Variants in PDE10A observed in about 807,000 individuals in gnomAD.
The protein encoded by PDE10A is phosphodiesterase 10A, also known as cAMP and cAMP-inhibited cGMP 3',5'-cyclic phosphodiesterase 10A.
PDE10A carries 39 observed loss-of-function variants against 97.7 expected under a neutral mutation model. The ratio of observed to expected loss-of-function variants is 0.40; its 90% CI spans 0.31 to 0.52. The LOEUF (loss-of-function observed/expected upper bound fraction) is 0.52, where lower values mean the gene tolerates loss of function less well. PDE10A is among the 20% of genes least tolerant of loss of function. The pLI is 0.56. For synonymous variants in PDE10A, 371 were observed against 376.8 expected (o/e 0.98, Z 0.18); for missense variants, 731 against 1,047.8 (o/e 0.70, Z 4.17).
chr6:165,392,847 T>C (rs768169975), intron 15 of PDE10A, 51 bp from the exon 16 acceptor site: 3 of 1,552,460 alleles, frequency 1.9e-6, no homozygotes, highest in Admixed American at 1.7e-5. Context: ...AATCACTATG[T>C]TGTAGGAGAA....
chr6:165,753,210 C>A (rs534898520), intron 1 of PDE10A, among the ~76,000 whole-genome samples: 2 of 152,282 alleles, frequency 1.3e-5, no homozygotes, highest in East Asian at 3.9e-4. Context: ...ACAGTTTAGC[C>A]ATTAGAAATG....
At chr6:165,951,949 T>TAATA (rs1473888522) in intron 1 of PDE10A, among the ~76,000 whole-genome samples, 1 of 152,250 alleles carries the variant, frequency 6.6e-6, no homozygotes, top group Non-Finnish European at 1.5e-5. Context: ...TAGTTATTTA[T>TAATA]AATAAATAGT....
At chr6:165,506,093 C>T (rs562942289) in intron 2 of PDE10A, among the ~76,000 whole-genome samples, 53 of 152,202 alleles carry the variant, frequency 3.5e-4, no homozygotes, top group African/African-American at 1.2e-3. Flanking sequence ...TTTTTCCATT[C>T]CCATAACAAC....
chr6:165,920,655 T>G (rs1782729884), intron 1 of PDE10A, among the ~76,000 whole-genome samples: 1 of 152,186 alleles, frequency 6.6e-6, no homozygotes, highest in Admixed American at 6.6e-5. Flanking sequence ...TTGAAATTAA[T>G]AAGAAAATTG....
intron 18 of PDE10A, among the ~76,000 whole-genome samples, chr6:165,351,682 T>C (rs1489877919): frequency 6.6e-6 from 1 of 152,168 alleles, no homozygotes; most frequent in Non-Finnish European, 1.5e-5. Context: ...ACAAGGATGG[T>C]ATGCCACATA....
At chr6:165,391,249 T>C (rs984542543) in intron 16 of PDE10A, among the ~76,000 whole-genome samples, 3 of 152,190 alleles carry the variant, frequency 2.0e-5, no homozygotes, top group Non-Finnish European at 4.4e-5. Flanking sequence ...ACATGTCATT[T>C]TGGGGATTAT....
intron 1 of PDE10A, among the ~76,000 whole-genome samples, chr6:165,823,509 T>A (rs1779636103): frequency 4.6e-5 from 4 of 86,448 alleles, no homozygotes; most frequent in Non-Finnish European, 8.5e-5. Context: ...TATATATATA[T>A]ATATATATAT....
At chr6:165,896,580 A>G (rs1216086474) in intron 1 of PDE10A, among the ~76,000 whole-genome samples, 2 of 144,112 alleles carry the variant, frequency 1.4e-5, no homozygotes, top group African/African-American at 5.2e-5. Flanking sequence ...GCTGGAGTAC[A>G]GTGGCGCAAT....
chr6:165,395,209 T>G lies in PDE10A; in HGVS notation c.2275A>C (p.Met759Leu). 6.2e-7 allele frequency: 1 copy of G among 1,613,338 alleles called. No homozygotes were observed. The highest frequency in any genetic ancestry group is 1.7e-5 in the Admixed American group (1 of 59,936). Residue 759 changes from methionine to leucine, a missense_variant, in exon 15 of 22, where the codon ATG (methionine) becomes CTG (leucine). By Grantham distance (15) the Met-to-Leu change is conservative. Coordinates refer to ENST00000539869, the MANE Select transcript of PDE10A (RefSeq NM_001385079.1). Reference sequence around the variant, plus strand: ...GATGTCCCACAGGACCGATGAACCATGTAGACAAAAATTCCAGGCCACATG... The same window carrying G: ...GATGTCCCACAGGACCGATGAACCAGGTAGACAAAAATTCCAGGCCACATG... ...ENMWPGIFVY[M>L]VHRSCGTSCF... is the part of the protein sequence containing the mutation.
intron 18 of PDE10A, among the ~76,000 whole-genome samples, chr6:165,375,154 GA>G (rs2128204951): frequency 6.6e-6 from 1 of 152,048 alleles, no homozygotes; most frequent in African/African-American, 2.4e-5. Context: ...CTGTTCAAGT[GA>G]AAAAAAGTCA....
intron 1 of PDE10A, among the ~76,000 whole-genome samples, chr6:165,735,732 A>C (rs1387090462): frequency 6.6e-6 from 1 of 152,172 alleles, no homozygotes; most frequent in Non-Finnish European, 1.5e-5. Context: ...CATGGAGGGC[A>C]ATCTGCCGTA....
intron 1 of PDE10A, among the ~76,000 whole-genome samples, chr6:165,622,283 T>C (rs893114056): frequency 7.0e-6 from 1 of 142,988 alleles, no homozygotes; most frequent in African/African-American, 3.0e-5. Context: ...AGTGTGTGTG[T>C]GTGTGTGTGT....
At chr6:165,910,167 T>C (rs961171481) in intron 1 of PDE10A, among the ~76,000 whole-genome samples, 3 of 152,154 alleles carry the variant, frequency 2.0e-5, no homozygotes. Flanking sequence ...TGTGATGACA[T>C]GGAGCAATCA....
chr6:165,489,079 C>T (rs543368528), intron 2 of PDE10A, among the ~76,000 whole-genome samples: 18 of 152,244 alleles, frequency 1.2e-4, no homozygotes, highest in Non-Finnish European at 2.2e-4. Flanking sequence ...CTTGTCTTCT[C>T]ACTATACAAC....
At chr6:165,890,356 T>C (rs1337336516) in intron 1 of PDE10A, among the ~76,000 whole-genome samples, 1 of 152,076 alleles carries the variant, frequency 6.6e-6, no homozygotes, top group East Asian at 1.9e-4. Context: ...TTTTTTAAGA[T>C]GGAAAGTGTT....
chr6:165,657,303 T>G (rs137868648), intron 1 of PDE10A, among the ~76,000 whole-genome samples: 1 of 152,368 alleles, frequency 6.6e-6, no homozygotes, highest in African/African-American at 2.4e-5. Flanking sequence ...CCTCTGTCAC[T>G]GTGGAGTTTT....
chr6:165,381,995 G>A (rs1784965934), intron 17 of PDE10A, among the ~76,000 whole-genome samples: 1 of 152,038 alleles, frequency 6.6e-6, no homozygotes, highest in South Asian at 2.1e-4. Context: ...ATAGTTTGAA[G>A]TCTATGTTAA....
At chr6:165,608,830 T>G (rs1471002050) in intron 1 of PDE10A, among the ~76,000 whole-genome samples, 3 of 152,202 alleles carry the variant, frequency 2.0e-5, no homozygotes, top group Non-Finnish European at 4.4e-5. Context: ...GATATCTCAT[T>G]GTGGTTTTGA....
rs540705858 is a variant in PDE10A at position 165,735,533 on chromosome 6, G to A, written c.-614-191965C>T. On this transcript the variant is annotated intron_variant, in intron 1 of 19. Coordinates refer to the PDE10A transcript ENST00000366882. ...AGGAATTGGCTCATCTGATTATGGA[G>A]GGTGGCAAGTTCAAGATCTATAGAA... 3.7e-4 allele frequency among the ~76,000 whole-genome samples: 56 copies of A among 152,214 alleles called. 1 individual carries two copies. In the South Asian group the frequency reaches 0.011, roughly 29 times the overall value.
Sources: allele counts gnomAD v4.1 joint callset (sites outside exome capture counted in the v4.1 genomes callset), GRCh38; gene constraint gnomAD v4.1.1; transcripts MANE v1.5; gene names NCBI Gene and HGNC (gene_info 2026-07-23, HGNC 2026-07-21).